Variants in EFR3B observed in about 807,000 individuals in gnomAD.
The protein encoded by EFR3B is protein EFR3 homolog B.
A neutral mutation model predicts 104.7 loss-of-function variants in EFR3B; 64 were observed. The ratio of observed to expected loss-of-function variants is 0.61; its 90% CI spans 0.50 to 0.75. The LOEUF is 0.75. EFR3B is among the 30% of genes least tolerant of loss of function. EFR3B has a pLI of 0.00. For missense variants in EFR3B, 750 were observed against 1,078.5 expected (o/e 0.70, Z 4.27); for synonymous variants, 385 against 417.9 (o/e 0.92, Z 0.96).
intron 20 of EFR3B, among the ~76,000 whole-genome samples, chr2:25,150,967 C>A (rs1225936130): frequency 6.6e-6 from 1 of 151,882 alleles, no homozygotes; most frequent in African/African-American, 2.4e-5. Flanking sequence ...CACCTGTAAT[C>A]CCAGCACTTT....
chr2:25,135,769 C>T, intron 13 of EFR3B, 130 bp downstream of exon 13: 2 of 1,108,684 alleles, frequency 1.8e-6, no homozygotes, highest in Non-Finnish European at 2.5e-6. Flanking sequence ...ATCTGAGTAT[C>T]CCACAATTCA....
intron 21 of EFR3B, 27 bp from the exon 22 acceptor site, chr2:25,153,685 A>G (rs1558623749): frequency 1.3e-6 from 2 of 1,551,004 alleles, no homozygotes; most frequent in Non-Finnish European, 1.7e-6. Context: ...CACCCCTGCC[A>G]GCTCACTTCC....
At chr2:25,081,649 G>C (rs1668810516) in intron 1 of EFR3B, 1 of 631,016 alleles carries the variant, frequency 1.6e-6, no homozygotes. Flanking sequence ...CCGAAGGGTA[G>C]CTGCGGCCAA....
At chr2:25,103,576 C>G (rs930926032) in intron 3 of EFR3B, 61 bp from the exon 4 acceptor site, 29 of 1,517,780 alleles carry the variant, frequency 1.9e-5, no homozygotes, top group Non-Finnish European at 8.9e-7. Context: ...CCTTGCATGC[C>G]CTGGTTGGGC....
chr2:25,121,827 G>C lies in EFR3B; in HGVS notation c.485+33G>C, dbSNP rs116340405. On this transcript the variant is annotated intron_variant, in intron 5 of 22. Coordinates refer to ENST00000403714, the MANE Select transcript of EFR3B (RefSeq NM_014971.2). ...GGGGAAGGCAAGGGTAGTTGGTTCA[G>C]CTTACAGCAGAAGCAACGGTGGGTC... is the stretch of plus-strand genomic sequence containing the variant. 2.8e-4 allele frequency: 430 copies of C among 1,551,668 alleles called. 3 individuals carry two copies. The African/African-American group carries it at 5.3e-3, about 19-fold the overall frequency.
At chr2:25,082,617 A>G (rs1668840192) in intron 1 of EFR3B, among the ~76,000 whole-genome samples, 1 of 152,202 alleles carries the variant, frequency 6.6e-6, no homozygotes. Context: ...CTTGAAATTC[A>G]TGATTGCTTT....
intron 1 of EFR3B, among the ~76,000 whole-genome samples, chr2:25,060,725 C>G (rs1668168189): frequency 6.6e-6 from 1 of 151,930 alleles, no homozygotes; most frequent in Non-Finnish European, 1.5e-5. Flanking sequence ...TCGAGACCAT[C>G]ATGGCTAACA....
intron 1 of EFR3B, among the ~76,000 whole-genome samples, chr2:25,074,939 CTT>C (rs1281917423): frequency 6.6e-6 from 1 of 152,088 alleles, no homozygotes; most frequent in Non-Finnish European, 1.5e-5. Flanking sequence ...TTTTAAAAAA[CTT>C]TTTATTTTGA....
chr2:25,104,451 G>A (rs1239740102), intron 4 of EFR3B, among the ~76,000 whole-genome samples: 6 of 152,174 alleles, frequency 3.9e-5, no homozygotes, highest in East Asian at 1.9e-4. Context: ...TGTGTTTAGC[G>A]TTAGATTGAT....
In EFR3B at chr2:25,042,801, G is replaced by A; in HGVS notation, c.7+482G>A. On this transcript the variant is annotated intron_variant, in intron 1 of 22. Coordinates refer to ENST00000403714, the MANE Select transcript of EFR3B (RefSeq NM_014971.2). The surrounding 1 kb of genome is among the most constrained non-coding windows in gnomAD (Gnocchi z 5.4). ...GAGGCCCGGGGAGCAGCCAGTGGCCGAGTCTCGTCTCGCCCGCCTGAATGG... is the reference window on the plus strand; with the variant it reads ...GAGGCCCGGGGAGCAGCCAGTGGCCAAGTCTCGTCTCGCCCGCCTGAATGG... The A allele has an allele frequency of 1.6e-6, 1 of 618,080 alleles. No homozygotes were observed. The highest frequency in any genetic ancestry group is 2.0e-6 in the Non-Finnish European group (1 of 493,924). 38.3% of individuals were successfully genotyped at this position (618,080 alleles called of 1,614,324 possible). A position where few individuals can be genotyped will look rare whatever the true frequency, so the allele number is the denominator to read the frequency against.
At chr2:25,099,085 G>A (rs1012849789) in intron 3 of EFR3B, among the ~76,000 whole-genome samples, 2 of 152,080 alleles carry the variant, frequency 1.3e-5, no homozygotes, top group African/African-American at 4.8e-5. Context: ...ATCCCATGCT[G>A]CCTGCCCTCA....
At chr2:25,145,328 T>G (rs1670785247) in intron 19 of EFR3B, 5 of 520,988 alleles carry the variant, frequency 9.6e-6, no homozygotes, top group Non-Finnish European at 1.7e-5. Context: ...TCCCAACATT[T>G]TGGAGGCTGA....
chr2:25,113,367 T>G lies in EFR3B; in HGVS notation c.364-8306T>G, dbSNP rs190698802. Reference sequence around the variant, plus strand: ...GTTGTAGGGGTGAAACAGATAGGAGTTCCTGTTGTATTATGGATTTAAAGA... The same window carrying G: ...GTTGTAGGGGTGAAACAGATAGGAGGTCCTGTTGTATTATGGATTTAAAGA... On this transcript the variant is annotated intron_variant, in intron 4 of 22. Transcript: ENST00000403714. 1.4e-3 allele frequency among the ~76,000 whole-genome samples: 210 copies of G among 152,002 alleles called. 1 individual carries two copies. Among genetic ancestry groups the G allele is most frequent in the African/African-American group, 5.0e-3 (209 of 41,480 alleles).
rs1671239898 is a variant in EFR3B at position 25,158,705 on chromosome 2, G to A, written c.*4365G>A. 1 of 152,226 alleles carries A rather than the reference G, an allele frequency of 6.6e-6. No homozygotes were observed. Among genetic ancestry groups the A allele is most frequent in the Non-Finnish European group, 1.5e-5 (1 of 68,068 alleles). The allele number at this position is 152,226 out of a possible 1,614,324, so 9.4% of individuals were successfully genotyped here. On this transcript the variant is annotated 3_prime_UTR_variant, in exon 23 of 23. Coordinates refer to ENST00000403714, the MANE Select transcript of EFR3B (RefSeq NM_014971.2). The stretch of plus-strand genomic sequence containing the variant: ...GGTCTCCTGTACTTCAGGGGACCAT[G>A]GGGCCGCCCAAGCCAGTCACCTTCC...
chr2:25,153,892 C>T, intron 22 of EFR3B, 131 bp downstream of exon 22: 13 of 1,016,986 alleles, frequency 1.3e-5, no homozygotes, highest in Non-Finnish European at 1.9e-5. Context: ...ATCTCTATCC[C>T]CTGGGCTGGA....
chr2:25,068,633 G>GTTTT (rs34036647), intron 1 of EFR3B, among the ~76,000 whole-genome samples: 2 of 143,602 alleles, frequency 1.4e-5, no homozygotes, highest in Non-Finnish European at 3.0e-5. Flanking sequence ...TTTTTTTTAT[G>GTTTT]TTTTTTTTTT....
At chr2:25,062,268 T>C (rs767643222) in intron 1 of EFR3B, among the ~76,000 whole-genome samples, 40 of 152,144 alleles carry the variant, frequency 2.6e-4, no homozygotes, top group Non-Finnish European at 4.6e-4. Context: ...AAATCTATGA[T>C]AATAGAAATC....
At chr2:25,149,782 G>C in intron 20 of EFR3B, 40 bp downstream of exon 20, 1 of 1,539,838 alleles carries the variant, frequency 6.5e-7, no homozygotes, top group Non-Finnish European at 8.8e-7. Flanking sequence ...AGGGCAAAAT[G>C]GGGTGGGGTC....
rs2149197436 is a variant in EFR3B at position 25,114,769 on chromosome 2, G to A, written c.364-6904G>A. On this transcript the variant is annotated intron_variant, in intron 4 of 22. Coordinates refer to ENST00000403714, the MANE Select transcript of EFR3B (RefSeq NM_014971.2). This position sits in a 1 kb window ranked among gnomAD's most constrained non-coding sequence, Gnocchi z 4.0. ...CTAGCTTTTTCCCAAGGTTCTGCGA[G>A]AGCTTTCTTCCCCTGACCCTGCCTC... Among the ~76,000 whole-genome samples, 1 of 152,334 alleles carries A rather than the reference G, an allele frequency of 6.6e-6. No individual in the cohort carries two copies. Among genetic ancestry groups the A allele is most frequent in the South Asian group, 2.1e-4 (1 of 4,832 alleles).
Sources: gnomAD v4.1 joint callset for allele counts (sites outside exome capture counted in the v4.1 genomes callset) on GRCh38, gnomAD v4.1.1 for gene constraint, Gnocchi (gnomAD v3.1) non-coding constraint, MANE v1.5 for transcripts, NCBI Gene and HGNC (gene_info 2026-07-23, HGNC 2026-07-21) for gene names.